The following MARCHF1 variants were observed in gnomAD, a reference collection of about 807,000 sequenced individuals.
MARCHF1 encodes the protein E3 ubiquitin-protein ligase MARCHF1.
In MARCHF1, 40 loss-of-function variants were observed where a neutral mutation model predicts 54.2. That is an observed-to-expected ratio of 0.74 (90% confidence interval 0.57 to 0.96). MARCHF1 has a LOEUF of 0.96. Ranked by LOEUF, MARCHF1 falls within the 40% of genes least tolerant of loss-of-function variation. The pLI, the probability that MARCHF1 is intolerant of heterozygous loss-of-function variation, is 0.00. For synonymous variants in MARCHF1, 236 were observed against 236.3 expected (o/e 1.00, Z 0.01); for missense variants, 586 against 656.5 (o/e 0.89, Z 1.17).
At chr4:163,588,717 C>A (rs1235185879) in intron 7 of MARCHF1, among the ~76,000 whole-genome samples, 1 of 152,082 alleles carries the variant, frequency 6.6e-6, no homozygotes, top group Admixed American at 6.6e-5. Flanking sequence ...TTGTTTAGAG[C>A]TGTGTTTGCA....
chr4:163,740,832 G>A (rs1359343665), intron 4 of MARCHF1, among the ~76,000 whole-genome samples: 1 of 152,108 alleles, frequency 6.6e-6, no homozygotes, highest in African/African-American at 2.4e-5. Flanking sequence ...AAACTCTAGA[G>A]CTCATAGTTC....
intron 4 of MARCHF1, among the ~76,000 whole-genome samples, chr4:163,781,688 C>T (rs1011913767): frequency 2.0e-5 from 3 of 152,138 alleles, no homozygotes; most frequent in Non-Finnish European, 4.4e-5. Context: ...CAGTGAATTC[C>T]TGCAGATCAT....
At chr4:164,256,068 A>T (rs976898130) in intron 1 of MARCHF1, among the ~76,000 whole-genome samples, 1 of 152,084 alleles carries the variant, frequency 6.6e-6, no homozygotes, top group African/African-American at 2.4e-5. Context: ...AGGTGGGAGG[A>T]TTGCATGAGG....
At chr4:163,945,218 G>T (rs976855392) in intron 3 of MARCHF1, among the ~76,000 whole-genome samples, 1 of 151,956 alleles carries the variant, frequency 6.6e-6, no homozygotes, top group Non-Finnish European at 1.5e-5. Flanking sequence ...TGTAATCCTG[G>T]TTGTTGGCCA....
At chr4:163,622,158 T>G (rs1741713886) in intron 5 of MARCHF1, among the ~76,000 whole-genome samples, 6 of 151,994 alleles carry the variant, frequency 3.9e-5, no homozygotes, top group Admixed American at 3.3e-4. Context: ...AATGTGACTT[T>G]ATAACAGAAA....
At chr4:163,955,921 C>T (rs185483666) in intron 3 of MARCHF1, among the ~76,000 whole-genome samples, 63 of 151,842 alleles carry the variant, frequency 4.1e-4, no homozygotes, top group African/African-American at 1.2e-3. Context: ...CAAAAATTGT[C>T]GCAAATAGAA....
chr4:163,614,918 A>G (rs1356018907), intron 5 of MARCHF1, among the ~76,000 whole-genome samples: 1 of 152,132 alleles, frequency 6.6e-6, no homozygotes, highest in African/African-American at 2.4e-5. Context: ...ATGGCTTTCA[A>G]GGTGAAAAAA....
At chr4:164,266,295 AGCATTTGC>A (rs1733609277) in intron 1 of MARCHF1, among the ~76,000 whole-genome samples, 1 of 152,190 alleles carries the variant, frequency 6.6e-6, no homozygotes, top group African/African-American at 2.4e-5. Context: ...CTTGGACAAT[AGCATTTGC>A]TCTCTTGTCC....
chr4:164,320,191 A>G (rs567572102), intron 1 of MARCHF1, among the ~76,000 whole-genome samples: 74 of 152,314 alleles, frequency 4.9e-4, no homozygotes, highest in Non-Finnish European at 6.9e-4. Flanking sequence ...CGATATTTCT[A>G]TCTTCCTGGT....
chr4:163,544,882 A>G (rs544968265), intron 9 of MARCHF1, among the ~76,000 whole-genome samples: 32 of 152,196 alleles, frequency 2.1e-4, no homozygotes, highest in African/African-American at 7.5e-4. Context: ...TCACTGTTTT[A>G]CCACCAACGA....
At chr4:163,688,716 T>C (rs1324899021) in intron 5 of MARCHF1, among the ~76,000 whole-genome samples, 2 of 152,148 alleles carry the variant, frequency 1.3e-5, no homozygotes, top group Non-Finnish European at 2.9e-5. Context: ...AAATAATGAT[T>C]GCTAAGAGTA....
Position 163,881,614 on chromosome 4 carries a change from A to G in MARCHF1, c.-38-27445T>C, listed in dbSNP as rs115153293. ...CATCTACAAAATAATTGAATGTATA[A>G]TAGTGGAAAGAGGAAGAGAGGTATA... On this transcript the variant is annotated intron_variant, in intron 3 of 9. Coordinates refer to ENST00000514618, the MANE Select transcript of MARCHF1 (RefSeq NM_001394959.1). Among the ~76,000 whole-genome samples, 382 of 152,222 alleles carry G rather than the reference A, an allele frequency of 2.5e-3. 3 individuals carry two copies. The highest frequency in any genetic ancestry group is 8.9e-3 in the African/African-American group (368 of 41,556).
intron 1 of MARCHF1, among the ~76,000 whole-genome samples, chr4:164,273,585 C>T (rs1733796960): frequency 1.3e-5 from 2 of 152,084 alleles, no homozygotes. Context: ...ACATAAAATT[C>T]AGTTGTTTAG....
intron 5 of MARCHF1, among the ~76,000 whole-genome samples, chr4:163,680,241 T>C (rs1744058948): frequency 6.6e-6 from 1 of 152,208 alleles, no homozygotes; most frequent in East Asian, 1.9e-4. Context: ...TGTTTCTCTA[T>C]AGCTTTGCTA....
chr4:163,976,189 C>T (rs1327197163), intron 3 of MARCHF1, among the ~76,000 whole-genome samples: 2 of 152,110 alleles, frequency 1.3e-5, no homozygotes, highest in Non-Finnish European at 2.9e-5. Flanking sequence ...TCTTTTTGAA[C>T]AGGAGAAGCT....
chr4:163,633,259 G>A (rs542267404), intron 5 of MARCHF1, among the ~76,000 whole-genome samples: 19 of 152,326 alleles, frequency 1.2e-4, no homozygotes, highest in African/African-American at 3.8e-4. Flanking sequence ...TGACTTTGAC[G>A]AGCTGAGAGA....
At chr4:163,588,695 C>T (rs933771978) in intron 7 of MARCHF1, among the ~76,000 whole-genome samples, 4 of 152,134 alleles carry the variant, frequency 2.6e-5, no homozygotes, top group Non-Finnish European at 1.5e-5. Flanking sequence ...GTCTCACCCA[C>T]TGGTTTATCT....
At chr4:164,035,267 A>G (rs899695982) in intron 2 of MARCHF1, among the ~76,000 whole-genome samples, 4 of 152,084 alleles carry the variant, frequency 2.6e-5, no homozygotes, top group African/African-American at 9.7e-5. Flanking sequence ...CATATAAGTC[A>G]TTACTCTATA....
At chr4:163,656,605 C>CA (rs550675109) in intron 5 of MARCHF1, among the ~76,000 whole-genome samples, 643 of 151,580 alleles carry the variant, frequency 4.2e-3, no homozygotes, top group African/African-American at 0.014. Context: ...ACAACAACAA[C>CA]AAAAAAACTT....
Sources: gnomAD v4.1 joint callset for allele counts (sites outside exome capture counted in the v4.1 genomes callset) on GRCh38, gnomAD v4.1.1 for gene constraint, MANE v1.5 for transcripts, NCBI Gene and HGNC (gene_info 2026-07-23, HGNC 2026-07-21) for gene names.